Variants in SNX13 observed in about 807,000 individuals in gnomAD.
SNX13 encodes sorting nexin 13.
In SNX13, 45 loss-of-function variants were observed where a neutral mutation model predicts 133.6. The observed-to-expected ratio is 0.34, with a 90% confidence interval of 0.27 to 0.43. The LOEUF (loss-of-function observed/expected upper bound fraction) is 0.43, where lower values mean the gene tolerates loss of function less well. Among genes scored for constraint, SNX13 ranks in the 20% least tolerant of loss-of-function variants. The pLI is 1.00. For missense variants in SNX13, 1,032 were observed against 1,145.1 expected (o/e 0.90, Z 1.43); for synonymous variants, 414 against 373.9 (o/e 1.11, Z -1.24).
intron 8 of SNX13, among the ~76,000 whole-genome samples, chr7:17,869,178 T>TATCTACA (rs1793751466): frequency 6.6e-6 from 1 of 152,132 alleles, no homozygotes. Context: ...TCATGCCCTG[T>TATCTACA]ATCTACAGCA....
chr7:17,930,644 A>T (rs1172069577), intron 1 of SNX13, among the ~76,000 whole-genome samples: 1 of 152,154 alleles, frequency 6.6e-6, no homozygotes, highest in Non-Finnish European at 1.5e-5. Flanking sequence ...AATACTCACT[A>T]TTTGGAAAGT....
chr7:17,822,384 C>T lies in SNX13; in HGVS notation c.1706-736G>A, dbSNP rs560788322. On this transcript the variant is annotated intron_variant, in intron 17 of 25. Transcript: ENST00000428135. ...TTATCTTTCTGCACTCTACAATTAA[C>T]GTCTCCAAAAGTTAATAGTGAGTCT... is the stretch of plus-strand genomic sequence containing the variant. 2.6e-5 allele frequency among the ~76,000 whole-genome samples: 4 copies of T among 152,028 alleles called. No individual in the cohort carries two copies. In the South Asian group the frequency reaches 6.2e-4, roughly 24 times the overall value.
intron 9 of SNX13, 123 bp from the exon 10 acceptor site, chr7:17,851,087 G>C: frequency 1.0e-6 from 1 of 987,598 alleles, no homozygotes; most frequent in Non-Finnish European, 1.5e-6. Context: ...ACAACAAAAA[G>C]AAAAAAGTTC....
chr7:17,876,209 T>G (rs955118127), intron 5 of SNX13, among the ~76,000 whole-genome samples: 2 of 152,238 alleles, frequency 1.3e-5, no homozygotes, highest in Non-Finnish European at 2.9e-5. Flanking sequence ...TCTGAACTCT[T>G]TCTGAATTCT....
At chr7:17,895,036 G>A (rs571908266) in intron 2 of SNX13, among the ~76,000 whole-genome samples, 2 of 152,178 alleles carry the variant, frequency 1.3e-5, no homozygotes, top group Non-Finnish European at 2.9e-5. Context: ...TAAGATTCAA[G>A]TTGGCCCTCT....
Position 17,791,782 on chromosome 7 carries a change from A to T in SNX13, c.*2263T>A, listed in dbSNP as rs1225384637. 6.6e-6 allele frequency: 1 copy of T among 152,076 alleles called. No homozygotes were observed. Among genetic ancestry groups the T allele is most frequent in the Non-Finnish European group, 1.5e-5 (1 of 67,958 alleles). 9.4% of individuals were successfully genotyped at this position (152,076 alleles called of 1,614,324 possible). A position where few individuals can be genotyped will look rare whatever the true frequency, so the allele number is the denominator to read the frequency against. On this transcript the variant is annotated 3_prime_UTR_variant, in exon 26 of 26. Coordinates refer to ENST00000428135, the MANE Select transcript of SNX13 (RefSeq NM_015132.5). ...TAAATATTTTACACACAGCTTGACC[A>T]AGTCATTCAAAAAGTTATCTCTAAT...
At chr7:17,826,826 A>G (rs956885747) in intron 16 of SNX13, among the ~76,000 whole-genome samples, 7 of 152,130 alleles carry the variant, frequency 4.6e-5, no homozygotes, top group Non-Finnish European at 8.8e-5. Flanking sequence ...ACACATATAT[A>G]AAAAGGAACA....
At chr7:17,798,628 T>C (rs1334226822) in intron 24 of SNX13, 62 bp downstream of exon 24, 1 of 1,227,830 alleles carries the variant, frequency 8.1e-7, no homozygotes, top group East Asian at 2.6e-5. Context: ...TGAAAGTTAA[T>C]TAGTGATAAC....
At chr7:17,936,871 G>A (rs911263814) in intron 1 of SNX13, among the ~76,000 whole-genome samples, 2 of 150,530 alleles carry the variant, frequency 1.3e-5, no homozygotes, top group Non-Finnish European at 3.0e-5. Context: ...GGGAGAGTGA[G>A]GAGTGAATAT....
chr7:17,933,206 TA>T (rs1275904359), intron 1 of SNX13, among the ~76,000 whole-genome samples: 1 of 152,234 alleles, frequency 6.6e-6, no homozygotes, highest in Non-Finnish European at 1.5e-5. Context: ...AAATGACTGG[TA>T]ACCCTCAAAT....
At chr7:17,935,888 C>T (rs1468312865) in intron 1 of SNX13, among the ~76,000 whole-genome samples, 1 of 152,022 alleles carries the variant, frequency 6.6e-6, no homozygotes, top group Non-Finnish European at 1.5e-5. Flanking sequence ...ATTAATGTGC[C>T]CCAAGAGTAT....
chr7:17,908,255 T>G (rs578260080), intron 1 of SNX13, among the ~76,000 whole-genome samples: 2 of 152,290 alleles, frequency 1.3e-5, no homozygotes, highest in Admixed American at 1.3e-4. Flanking sequence ...AAACCTTCCC[T>G]TCCTCACAGC....
chr7:17,813,379 ACG>A (rs1786279593), intron 20 of SNX13, among the ~76,000 whole-genome samples: 5 of 152,206 alleles, frequency 3.3e-5, no homozygotes, highest in Non-Finnish European at 5.9e-5. Flanking sequence ...ATCATGAAAT[ACG>A]CAGAAAAGCA....
rs1793681748 is a variant in SNX13 at position 17,868,567 on chromosome 7, A to G, written c.754-77T>C. On this transcript the variant is annotated intron_variant, in intron 8 of 25. Transcript: ENST00000428135. ...CAGCATAATGTAAATATTCTAACAC[A>G]ATGCTGTTACTTAAGAAAAGTATGA... is the stretch of plus-strand genomic sequence containing the variant. 4.5e-6 allele frequency: 5 copies of G among 1,114,724 alleles called. No individual in the cohort carries two copies. The South Asian group carries it at 7.5e-5, about 17-fold the overall frequency. 69.1% of individuals were successfully genotyped at this position (1,114,724 alleles called of 1,614,324 possible).
intron 20 of SNX13, among the ~76,000 whole-genome samples, chr7:17,807,061 G>GT (rs1158260845): frequency 6.6e-6 from 1 of 152,104 alleles, no homozygotes; most frequent in African/African-American, 2.4e-5. Context: ...AGCTGCAGGA[G>GT]TTTTTTTCAT....
intron 1 of SNX13, among the ~76,000 whole-genome samples, chr7:17,906,608 G>C (rs551194624): frequency 6.6e-6 from 1 of 152,088 alleles, no homozygotes; most frequent in South Asian, 2.1e-4. Flanking sequence ...ATGGCCAAAA[G>C]GTGGTTAGAG....
Position 17,890,159 on chromosome 7 carries a change from T to C in SNX13, c.440+204A>G, listed in dbSNP as rs933293030. ...CTTAGAAAGCAGGGCTTAATCAAAATAACATTCTGTAAAAACCTAAAATCT... is the reference window on the plus strand; with the variant it reads ...CTTAGAAAGCAGGGCTTAATCAAAACAACATTCTGTAAAAACCTAAAATCT... On this transcript the variant is annotated intron_variant, in intron 5 of 25. Coordinates refer to ENST00000428135, the MANE Select transcript of SNX13 (RefSeq NM_015132.5). 2.2e-5 allele frequency: 9 copies of C among 414,456 alleles called. No individual in the cohort carries two copies. The Admixed American group carries it at 2.6e-4, about 12-fold the overall frequency. The allele number at this position is 414,456 out of a possible 1,614,324, so 25.7% of individuals were successfully genotyped here. A position where few individuals can be genotyped will look rare whatever the true frequency, so the allele number is the denominator to read the frequency against.
Position 17,843,067 on chromosome 7 carries a change from A to G in SNX13, c.1165+2528T>C, listed in dbSNP as rs75255979. Among the ~76,000 whole-genome samples the G allele has an allele frequency of 3.7e-3, 559 of 152,176 alleles. 3 individuals are homozygous for G. Among genetic ancestry groups the G allele is most frequent in the African/African-American group, 0.012 (504 of 41,552 alleles). ...AAGCATGTAGAAAACAAATAACAAG[A>G]TGACAGAACTCTTTCCTTATAAATA... On this transcript the variant is annotated intron_variant, in intron 12 of 25. Coordinates refer to ENST00000428135, the MANE Select transcript of SNX13 (RefSeq NM_015132.5).
chr7:17,869,045 C>G (rs1178982655), intron 8 of SNX13, among the ~76,000 whole-genome samples: 2 of 152,036 alleles, frequency 1.3e-5, no homozygotes, highest in African/African-American at 4.8e-5. Flanking sequence ...ATTCAACATT[C>G]TCTAAAATCT....
Sources: gnomAD v4.1 joint callset for allele counts (sites outside exome capture counted in the v4.1 genomes callset) on GRCh38, gnomAD v4.1.1 for gene constraint, MANE v1.5 for transcripts, NCBI Gene and HGNC (gene_info 2026-07-23, HGNC 2026-07-21) for gene names.